CPNE5: variants seen among roughly 807,000 people sequenced by gnomAD.
CPNE5 encodes copine-5.
Under a neutral mutation model 81.1 loss-of-function variants are expected in CPNE5, and 42 were observed. That is an observed-to-expected ratio of 0.52 (90% CI 0.40 to 0.67). The LOEUF is 0.67. Ranked by LOEUF, CPNE5 falls within the 30% of genes least tolerant of loss-of-function variation. The pLI is 0.00. For synonymous variants in CPNE5, 313 were observed against 321.5 expected (o/e 0.97, Z 0.28); for missense variants, 612 against 815.5 (o/e 0.75, Z 3.04).
At chr6:36,752,237 C>T (rs185913659) in intron 14 of CPNE5, among the ~76,000 whole-genome samples, 5 of 152,298 alleles carry the variant, frequency 3.3e-5, no homozygotes, top group African/African-American at 4.8e-5. Context: ...CACTCACCTG[C>T]GGGCTCTTGG....
At chr6:36,791,756 A>C (rs1017891446) in intron 8 of CPNE5, among the ~76,000 whole-genome samples, 1 of 151,960 alleles carries the variant, frequency 6.6e-6, no homozygotes, top group Non-Finnish European at 1.5e-5. Flanking sequence ...TGTGATGGGG[A>C]GGGGAGGGAG....
At chr6:36,793,804 G>A (rs1561792411) in intron 7 of CPNE5, among the ~76,000 whole-genome samples, 1 of 152,152 alleles carries the variant, frequency 6.6e-6, no homozygotes, top group Non-Finnish European at 1.5e-5. Flanking sequence ...CAATTCCTGA[G>A]AGCTCTCAGG....
intron 3 of CPNE5, among the ~76,000 whole-genome samples, chr6:36,811,087 G>A (rs189514392): frequency 3.9e-5 from 6 of 152,158 alleles, no homozygotes; most frequent in East Asian, 3.8e-4. Context: ...CTCGGGGAAC[G>A]GGGAACGACC....
chr6:36,762,865 G>A, intron 12 of CPNE5, 52 bp downstream of exon 12: 2 of 1,456,588 alleles, frequency 1.4e-6, no homozygotes, highest in Non-Finnish European at 1.9e-6. Flanking sequence ...ACAGTCCTCA[G>A]TGACTGGGCC....
chr6:36,784,863 C>T (rs1768381752), intron 8 of CPNE5, among the ~76,000 whole-genome samples: 1 of 150,822 alleles, frequency 6.6e-6, no homozygotes, highest in African/African-American at 2.4e-5. Flanking sequence ...GGATTGAGCC[C>T]AAGAGGTGGA....
At chr6:36,756,137 ACG>A in intron 13 of CPNE5, 106 bp downstream of exon 13, 2 of 615,298 alleles carry the variant, frequency 3.3e-6, no homozygotes, top group East Asian at 4.3e-5. Context: ...TCTGATTCCC[ACG>A]CTCAGCCCCT....
intron 11 of CPNE5, 59 bp downstream of exon 11, chr6:36,765,276 G>A: frequency 6.3e-7 from 1 of 1,580,054 alleles, no homozygotes. Context: ...GGAGGGCAGG[G>A]CCCAGTGGCT....
chr6:36,800,108 C>T, intron 3 of CPNE5, 38 bp from the exon 4 acceptor site: 1 of 1,504,028 alleles, frequency 6.6e-7, no homozygotes. Flanking sequence ...CAGGGCCGGG[C>T]TGGTGGGGCC....
chr6:36,792,686 G>T (rs1217475073), intron 7 of CPNE5, among the ~76,000 whole-genome samples: 1 of 152,288 alleles, frequency 6.6e-6, no homozygotes, highest in East Asian at 1.9e-4. Flanking sequence ...CAGCTCCCCA[G>T]TGAAGTGGGC....
At chr6:36,822,017 A>C (rs1434920777) in intron 3 of CPNE5, 97 bp downstream of exon 3, 3 of 1,137,998 alleles carry the variant, frequency 2.6e-6, no homozygotes, top group African/African-American at 3.1e-5. Context: ...TGGATGCTGC[A>C]GTTAGAAACA....
chr6:36,779,968 ATT>A (rs5875558), intron 8 of CPNE5, among the ~76,000 whole-genome samples: 32,503 of 139,202 alleles, frequency 0.23, 3,626 homozygotes, highest in African/African-American at 0.26. Flanking sequence ...CCCCCTTCCT[ATT>A]TTTTTTTTTT....
chr6:36,806,914 C>T (rs1770649085), intron 3 of CPNE5, among the ~76,000 whole-genome samples: 2 of 152,260 alleles, frequency 1.3e-5, no homozygotes, highest in Admixed American at 6.5e-5. Context: ...CATGGCCCCC[C>T]AACACCAGCC....
chr6:36,743,788 CG>C, intron 19 of CPNE5, 26 bp from the exon 20 acceptor site: 1 of 1,599,108 alleles, frequency 6.3e-7, no homozygotes, highest in Non-Finnish European at 8.5e-7. Flanking sequence ...TGTCATGGGG[CG>C]GGGTGAGATT....
At chr6:36,765,558 GC>G (rs1766487746) in intron 10 of CPNE5, among the ~76,000 whole-genome samples, 182 bp from the exon 11 acceptor site, 2 of 152,088 alleles carry the variant, frequency 1.3e-5, no homozygotes, top group South Asian at 4.1e-4. Context: ...TTTAGGAAAG[GC>G]CTTAGGAAAA....
intron 3 of CPNE5, among the ~76,000 whole-genome samples, chr6:36,806,607 C>A (rs1313522043): frequency 6.6e-6 from 1 of 152,222 alleles, no homozygotes; most frequent in Non-Finnish European, 1.5e-5. Context: ...TCATTAAAAT[C>A]TCTCCAGTTA....
At chr6:36,834,026 G>A (rs1773190684) in intron 1 of CPNE5, among the ~76,000 whole-genome samples, 1 of 151,864 alleles carries the variant, frequency 6.6e-6, no homozygotes, top group Non-Finnish European at 1.5e-5. Flanking sequence ...TTTGAGATCA[G>A]CCAATCAGCC....
intron 8 of CPNE5, among the ~76,000 whole-genome samples, chr6:36,780,177 A>T (rs1767914124): frequency 6.6e-6 from 1 of 151,978 alleles, no homozygotes; most frequent in African/African-American, 2.4e-5. Context: ...GTTAGCCAAG[A>T]TGGTCTCGAT....
chr6:36,799,664 C>A (rs1185643435), intron 4 of CPNE5, among the ~76,000 whole-genome samples: 1 of 152,160 alleles, frequency 6.6e-6, no homozygotes. Flanking sequence ...GAGGCACAGC[C>A]AAGAGTTGCC....
intron 3 of CPNE5, among the ~76,000 whole-genome samples, chr6:36,818,323 C>T: frequency 6.6e-6 from 1 of 152,190 alleles, no homozygotes; most frequent in East Asian, 1.9e-4. Flanking sequence ...CTCGTCGTTT[C>T]CCGTTAGGAT....
Sources: allele counts gnomAD v4.1 joint callset (sites outside exome capture counted in the v4.1 genomes callset), GRCh38; gene constraint gnomAD v4.1.1; transcripts MANE v1.5; gene names NCBI Gene and HGNC (gene_info 2026-07-23, HGNC 2026-07-21).